ASTN2: variants seen among roughly 807,000 people sequenced by gnomAD.
ASTN2 encodes astrotactin-2.
A neutral mutation model predicts 139.8 loss-of-function variants in ASTN2; 54 were observed. The ratio of observed to expected loss-of-function variants is 0.39; its 90% CI spans 0.31 to 0.48. The LOEUF is 0.48. Ranked by LOEUF, ASTN2 falls within the 20% of genes least tolerant of loss-of-function variation. The pLI, the probability that ASTN2 is intolerant of heterozygous loss-of-function variation, is 0.95. For missense variants in ASTN2, 1,565 were observed against 1,725.1 expected (o/e 0.91, Z 1.64); for synonymous variants, 756 against 719.5 (o/e 1.05, Z -0.81).
intron 6 of ASTN2, among the ~76,000 whole-genome samples, chr9:117,036,678 A>C (rs36106897): frequency 0.15 from 22,347 of 152,114 alleles, 1,965 homozygotes; most frequent in African/African-American, 0.25. Context: ...AAATTGGCCA[A>C]TCTCAAATCT....
chr9:117,352,476 G>A (rs1230207999), intron 1 of ASTN2, among the ~76,000 whole-genome samples: 1 of 152,152 alleles, frequency 6.6e-6, no homozygotes, highest in Non-Finnish European at 1.5e-5. Flanking sequence ...CTGAGCTAAT[G>A]AGACCAGAAA....
chr9:117,054,630 G>T (rs1470813300), intron 5 of ASTN2, among the ~76,000 whole-genome samples: 1 of 152,192 alleles, frequency 6.6e-6, no homozygotes, highest in Non-Finnish European at 1.5e-5. Context: ...AATGGGGAAT[G>T]TGCAGTTCAG....
intron 19 of ASTN2, among the ~76,000 whole-genome samples, chr9:116,565,710 T>C (rs1419310141): frequency 6.6e-6 from 1 of 151,924 alleles, no homozygotes; most frequent in Non-Finnish European, 1.5e-5. Context: ...CTTGAACTCC[T>C]GGACTCAAGA....
intron 16 of ASTN2, among the ~76,000 whole-genome samples, chr9:116,653,643 G>A (rs1858048419): frequency 6.6e-6 from 1 of 152,206 alleles, no homozygotes; most frequent in African/African-American, 2.4e-5. Context: ...GTGGAAATAG[G>A]GGCCCTGCGC....
At chr9:117,258,441 A>G (rs551205033) in intron 2 of ASTN2, among the ~76,000 whole-genome samples, 1 of 152,264 alleles carries the variant, frequency 6.6e-6, no homozygotes, top group East Asian at 1.9e-4. Context: ...TTCATTTGGA[A>G]ACACCTCCCT....
At chr9:116,850,185 T>C (rs974870124) in intron 11 of ASTN2, among the ~76,000 whole-genome samples, 63 of 152,260 alleles carry the variant, frequency 4.1e-4, no homozygotes, top group African/African-American at 1.4e-3. Context: ...AACCACCCAG[T>C]CCAGGGCAGG....
At chr9:116,903,932 C>T (rs1184744222) in intron 10 of ASTN2, among the ~76,000 whole-genome samples, 2 of 152,206 alleles carry the variant, frequency 1.3e-5, no homozygotes, top group African/African-American at 4.8e-5. Context: ...CTGCCAGGAA[C>T]ACACCCCTCC....
In ASTN2 at chr9:117,328,863, G is replaced by A. The variant is rs148223598; in HGVS notation, c.443-37350C>T. Among the ~76,000 whole-genome samples the A allele has an allele frequency of 6.2e-3, 938 of 152,326 alleles. 9 individuals are homozygous for A. Among genetic ancestry groups the A allele is most frequent in the African/African-American group, 0.021 (883 of 41,586 alleles). ...GCAAATCCCCTATAGAGTGGGTGAC[G>A]GAGAGCCATCTCATGGCGAGGAAAA... On this transcript the variant is annotated intron_variant, in intron 1 of 22. Coordinates refer to ENST00000313400, the MANE Select transcript of ASTN2 (RefSeq NM_001365068.1).
At chr9:117,266,861 T>C (rs1373606848) in intron 2 of ASTN2, among the ~76,000 whole-genome samples, 3 of 152,212 alleles carry the variant, frequency 2.0e-5, no homozygotes, top group African/African-American at 7.2e-5. Flanking sequence ...ATTGCTTTAG[T>C]GGTCTCAACA....
At chr9:117,119,990 A>ATGTGTGTGTGCG (rs1829500629) in intron 4 of ASTN2, among the ~76,000 whole-genome samples, 1 of 73,250 alleles carries the variant, frequency 1.4e-5, no homozygotes, top group Non-Finnish European at 2.5e-5. Flanking sequence ...ATATATTTGT[A>ATGTGTGTGTGCG]TGTGTGTGTG....
intron 11 of ASTN2, among the ~76,000 whole-genome samples, chr9:116,862,600 GA>G (rs1305097152): frequency 6.6e-6 from 1 of 152,120 alleles, no homozygotes; most frequent in Non-Finnish European, 1.5e-5. Flanking sequence ...AAAAGGTTCT[GA>G]GGCATGAAAC....
At position 116,981,963 on chromosome 9, in the gene ASTN2, A is replaced by G. The variant is rs115904485; in HGVS notation, c.1592-5178T>C. Among the ~76,000 whole-genome samples the G allele has an allele frequency of 8.3e-3, 1,266 of 152,078 alleles. 10 individuals carry two copies. The highest frequency in any genetic ancestry group is 0.029 in the African/African-American group (1,189 of 41,486). ...GAGTTGTGTTGGTTTTAAAAGATTT[A>G]CTCTTCATGTCTCCTGGCTGCCATT... On this transcript the variant is annotated intron_variant, in intron 7 of 22. Coordinates refer to ENST00000313400, the MANE Select transcript of ASTN2 (RefSeq NM_001365068.1).
intron 16 of ASTN2, chr9:116,700,004 C>T: frequency 2.2e-6 from 1 of 450,522 alleles, no homozygotes; most frequent in South Asian, 3.3e-5. Context: ...CCACTTTAGC[C>T]CTTTGTGCCA....
rs142476819 is a variant in ASTN2 at position 117,014,438 on chromosome 9, G to A, written c.1424-6179C>T. Among the ~76,000 whole-genome samples the A allele has an allele frequency of 1.6e-4, 25 of 152,230 alleles. 1 individual carries two copies. The highest frequency in any genetic ancestry group is 5.1e-4 in the African/African-American group (21 of 41,542). ...GCAACCACTCTGGAGGAACATTATC[G>A]TGGGGGTGGTTCTCCTACAAGGATC... On this transcript the variant is annotated intron_variant, in intron 6 of 22. Transcript: ENST00000313400.
chr9:116,589,104 CA>C (rs760976881), intron 19 of ASTN2, among the ~76,000 whole-genome samples: 5 of 152,160 alleles, frequency 3.3e-5, no homozygotes, highest in Non-Finnish European at 7.4e-5. Context: ...TATTTATCAT[CA>C]AACATTTCCA....
intron 3 of ASTN2, among the ~76,000 whole-genome samples, chr9:117,191,775 C>A (rs1831354588): frequency 6.6e-6 from 1 of 152,182 alleles, no homozygotes; most frequent in African/African-American, 2.4e-5. Flanking sequence ...GTCGCTTCAG[C>A]CCCTGACATT....
intron 20 of ASTN2, 137 bp downstream of exon 20, chr9:116,487,222 C>A (rs1176463843): frequency 1.5e-5 from 17 of 1,153,938 alleles, no homozygotes; most frequent in Non-Finnish European, 2.1e-5. Flanking sequence ...ACTTCTAAAC[C>A]TTAGAATCTC....
At chr9:117,310,020 A>G (rs1484787779) in intron 1 of ASTN2, among the ~76,000 whole-genome samples, 1 of 152,054 alleles carries the variant, frequency 6.6e-6, no homozygotes, top group Admixed American at 6.5e-5. Context: ...CTGTTTCTTC[A>G]TCTCTGGAAT....
chr9:116,725,726 T>C (rs747344112), intron 16 of ASTN2, 45 bp downstream of exon 16: 1 of 1,589,012 alleles, frequency 6.3e-7, no homozygotes, highest in Non-Finnish European at 8.6e-7. Context: ...CCCTTGCCTC[T>C]ATAGCCTGCC....
Sources: allele counts gnomAD v4.1 joint callset (sites outside exome capture counted in the v4.1 genomes callset), GRCh38; gene constraint gnomAD v4.1.1; transcripts MANE v1.5; gene names NCBI Gene and HGNC (gene_info 2026-07-23, HGNC 2026-07-21).